Variants in FBRSL1 observed in about 807,000 individuals in gnomAD.
FBRSL1 encodes fibrosin-1-like protein.
Under a neutral mutation model 89.6 loss-of-function variants are expected in FBRSL1, and 51 were observed. That is an observed-to-expected ratio of 0.57 (90% CI 0.45 to 0.72). The LOEUF (loss-of-function observed/expected upper bound fraction) is 0.72, where lower values mean the gene tolerates loss of function less well. Among genes scored for constraint, FBRSL1 ranks in the 30% least tolerant of loss-of-function variants. The pLI is 0.00. For synonymous variants in FBRSL1, 779 were observed against 681.1 expected, an observed-to-expected ratio of 1.14 and a Z score of -2.24; for missense variants, 1,618 against 1,451.8, an observed-to-expected ratio of 1.11 and a Z score of -1.86.
chr12:132,538,938 G>A (rs999775290), intron 4 of FBRSL1, among the ~76,000 whole-genome samples: 30 of 152,176 alleles, frequency 2.0e-4, no homozygotes, highest in African/African-American at 5.8e-4. Flanking sequence ...GGCCCTGACC[G>A]GAGGGTGAGA....
Position 132,512,626 on chromosome 12 carries a change from C to G in FBRSL1, c.489+4276C>G, listed in dbSNP as rs140240197. Reference sequence around the variant, plus strand: ...CTCTTTCCACTTTCAGGCCCCTGCCCCTACCCCCGGGCTCCTGTGAGTACA... The same window carrying G: ...CTCTTTCCACTTTCAGGCCCCTGCCGCTACCCCCGGGCTCCTGTGAGTACA... On this transcript the variant is annotated intron_variant, in intron 2 of 18. Transcript: ENST00000680143. Among the ~76,000 whole-genome samples, 1,025 of 152,364 alleles carry G rather than the reference C, an allele frequency of 6.7e-3. 11 individuals are homozygous for G. Among genetic ancestry groups the G allele is most frequent in the Admixed American group, 0.013 (197 of 15,308 alleles).
At chr12:132,532,365 G>T (rs2036359864) in intron 4 of FBRSL1, among the ~76,000 whole-genome samples, 1 of 152,132 alleles carries the variant, frequency 6.6e-6, no homozygotes, top group Non-Finnish European at 1.5e-5. Context: ...TCACCACTCG[G>T]CCATGCCCAC....
At chr12:132,532,930 C>T (rs770183860) in intron 4 of FBRSL1, among the ~76,000 whole-genome samples, 1 of 152,204 alleles carries the variant, frequency 6.6e-6, no homozygotes, top group African/African-American at 2.4e-5. Context: ...CCGCTGCCCT[C>T]GCTCTGTGCC....
Position 132,570,173 on chromosome 12 carries a change from C to A in FBRSL1, c.939C>A (p.His313Gln). ...PPQPRGLLPT[H>Q]VPASLGAFAG... ...AGCCCCGCGGCCTGCTCCCGACACACGTGCCTGCATCCCTGGGCGCCTTCG... is the reference window on the plus strand; with the variant it reads ...AGCCCCGCGGCCTGCTCCCGACACAAGTGCCTGCATCCCTGGGCGCCTTCG... The change falls in exon 7 of 19, where the codon CAC becomes CAA. Residue 313 changes from histidine (H) to glutamine (Q), a missense_variant. Transcript: ENST00000680143. The A allele has an allele frequency of 2.0e-6, 3 of 1,505,048 alleles. No individual in the cohort carries two copies. Among genetic ancestry groups the A allele is most frequent in the Non-Finnish European group, 2.6e-6 (3 of 1,135,028 alleles). 93.2% of individuals were successfully genotyped at this position (1,505,048 alleles called of 1,614,324 possible).
intron 5 of FBRSL1, among the ~76,000 whole-genome samples, chr12:132,556,738 GGCCTTCGTGCTGC>G (rs2038697738): frequency 5.5e-5 from 3 of 55,002 alleles, no homozygotes; most frequent in African/African-American, 3.0e-4. Context: ...CTCTTCTTCA[GGCCTTCGTGCTGC>G]ACCCCAACCC....
At chr12:132,531,241 G>A (rs1047210163) in intron 4 of FBRSL1, among the ~76,000 whole-genome samples, 6 of 151,902 alleles carry the variant, frequency 3.9e-5, no homozygotes, top group Admixed American at 1.3e-4. Context: ...AGGAGCAGGC[G>A]AGGGGCCCAG....
intron 18 of FBRSL1, among the ~76,000 whole-genome samples, chr12:132,582,634 G>A (rs1237540013): frequency 5.3e-5 from 8 of 152,202 alleles, no homozygotes; most frequent in African/African-American, 1.9e-4. Flanking sequence ...GAGACCTCCA[G>A]GTGGCCGCGC....
At position 132,569,997 on chromosome 12, in the gene FBRSL1, G is replaced by A. The variant is rs1332964594; in HGVS notation, c.763G>A (p.Glu255Lys). The A allele has an allele frequency of 4.7e-6, 7 of 1,502,990 alleles. No individual in the cohort carries two copies. Among genetic ancestry groups the A allele is most frequent in the South Asian group, 2.5e-5 (2 of 79,958 alleles). The allele number at this position is 1,502,990 out of a possible 1,614,324, so 93.1% of individuals were successfully genotyped here. ...PKVSGLERSRELSAESFLPTA... is the reference protein window; with the variant it reads ...PKVSGLERSRKLSAESFLPTA... ...GGTGTCAGGCCTGGAGCGCAGCCGC[G>A]AGCTCAGCGCCGAGAGCTTCCTGCC... Residue 255 changes from glutamate to lysine, a missense_variant, in exon 7 of 19, where the codon GAG becomes AAG. Transcript: ENST00000680143.
intron 15 of FBRSL1, among the ~76,000 whole-genome samples, chr12:132,579,990 A>T (rs2040632910): frequency 6.6e-6 from 1 of 152,088 alleles, no homozygotes; most frequent in African/African-American, 2.4e-5. Flanking sequence ...GTCACGCCTG[A>T]ACTCCGCAGG....
chr12:132,512,901 T>C (rs902639654), intron 2 of FBRSL1, among the ~76,000 whole-genome samples: 1 of 152,202 alleles, frequency 6.6e-6, no homozygotes. Flanking sequence ...GGCCTGGCCA[T>C]GACCCTGCAG....
intron 1 of FBRSL1, 100 bp downstream of exon 1, chr12:132,490,961 C>A: frequency 3.2e-6 from 3 of 943,564 alleles, no homozygotes; most frequent in Non-Finnish European, 3.9e-6. Flanking sequence ...CGACCGCCCG[C>A]GCCGTGGGCA....
chr12:132,508,041 G>A, intron 1 of FBRSL1, 112 bp from the exon 2 acceptor site: 1 of 1,095,376 alleles, frequency 9.1e-7, no homozygotes, highest in South Asian at 1.6e-5. Context: ...CCTCTGAGGT[G>A]CCCCTCCCAA....
In FBRSL1 at chr12:132,583,096, G is replaced by C; in HGVS notation, c.2327G>C (p.Arg776Pro). The C allele has an allele frequency of 6.9e-7, 1 of 1,453,154 alleles. No homozygotes were observed. The highest frequency in any genetic ancestry group is 9.0e-7 in the Non-Finnish European group (1 of 1,106,428). The allele number at this position is 1,453,154 out of a possible 1,614,324, so 90.0% of individuals were successfully genotyped here. A position where few individuals can be genotyped will look rare whatever the true frequency, so the allele number is the denominator to read the frequency against. Residue 776 changes from arginine (R) to proline (P), a missense_variant, in exon 19 of 19, where the codon CGC (arginine) becomes CCC (proline). Physicochemically the swap from Arg to Pro is moderately radical, Grantham distance 103. Transcript: ENST00000680143. ...ELGRSGAPAE[R>P]EAEPRVKESR... ...GGCCGGTCCGGGGCCCCCGCGGAGC[G>C]CGAGGCCGAACCTCGGGTCAAGGAG...
At chr12:132,571,525 G>T in intron 9 of FBRSL1, 1 of 1,528,418 alleles carries the variant, frequency 6.5e-7, no homozygotes, top group Non-Finnish European at 8.8e-7. Context: ...ACCCCCGCCG[G>T]TGCGTAGGCC....
intron 2 of FBRSL1, among the ~76,000 whole-genome samples, chr12:132,513,604 T>A (rs1162419630): frequency 2.0e-5 from 3 of 152,128 alleles, no homozygotes; most frequent in Non-Finnish European, 4.4e-5. Flanking sequence ...GGCAGGCTGG[T>A]CCCCTCCCAT....
chr12:132,581,389 G>A (rs1237578785), intron 15 of FBRSL1, 50 bp from the exon 16 acceptor site: 8 of 1,550,616 alleles, frequency 5.2e-6, no homozygotes, highest in Non-Finnish European at 6.1e-6. Context: ...GCAGATGGGA[G>A]GCCCTGGTGC....
chr12:132,578,439 C>CGTGA (rs1566244904), intron 15 of FBRSL1, among the ~76,000 whole-genome samples: 7 of 151,926 alleles, frequency 4.6e-5, no homozygotes, highest in Non-Finnish European at 8.8e-5. Flanking sequence ...CATCCTCGTC[C>CGTGA]TCACACGGAG....
intron 2 of FBRSL1, among the ~76,000 whole-genome samples, chr12:132,525,445 T>C (rs548601776): frequency 3.9e-5 from 6 of 152,166 alleles, no homozygotes; most frequent in Non-Finnish European, 8.8e-5. Flanking sequence ...AGCCGGTGGG[T>C]CCTGGGTAGG....
At chr12:132,513,429 G>A (rs1291616892) in intron 2 of FBRSL1, among the ~76,000 whole-genome samples, 12 of 152,114 alleles carry the variant, frequency 7.9e-5, no homozygotes, top group Non-Finnish European at 1.8e-4. Flanking sequence ...TCCGGGGGGT[G>A]ACAGTGGGGA....
Sources: gnomAD v4.1 joint callset for allele counts (sites outside exome capture counted in the v4.1 genomes callset) on GRCh38, gnomAD v4.1.1 for gene constraint, MANE v1.5 for transcripts, NCBI Gene and HGNC (gene_info 2026-07-23, HGNC 2026-07-21) for gene names.